The following MCUB variants were observed in gnomAD, a reference collection of about 807,000 sequenced individuals.
The protein encoded by MCUB is mitochondrial calcium uniporter dominant negative subunit beta.
In MCUB, 46 loss-of-function variants were observed where a neutral mutation model predicts 41.4. The observed-to-expected ratio is 1.11, with a 90% CI of 0.88 to 1.42. The LOEUF (loss-of-function observed/expected upper bound fraction) is 1.42, where lower values mean the gene tolerates loss of function less well. Ranked by LOEUF, MCUB falls within the 40% of genes most tolerant of loss-of-function variation. MCUB has a pLI of 0.00. For missense variants in MCUB, 403 were observed against 404.9 expected, an observed-to-expected ratio of 1.00 and a Z score of 0.04; for synonymous variants, 148 against 148.2, an observed-to-expected ratio of 1.00 and a Z score of 0.01.
rs553396703 is a variant in MCUB, at chr4:109,622,576, A to G, written c.100-36435A>G. The stretch of plus-strand genomic sequence containing the variant: ...TTTAGAAATGTCAGTTTGATTTAAA[A>G]GTGAGGATCCTCTGAGGCACTTTAA... On this transcript the variant is annotated intron_variant, in intron 1 of 7. Coordinates refer to ENST00000394650, the MANE Select transcript of MCUB (RefSeq NM_017918.5). Among the ~76,000 whole-genome samples, 7 of 152,344 alleles carry G rather than the reference A, an allele frequency of 4.6e-5. No homozygotes were observed. In the South Asian group the frequency reaches 1.4e-3, roughly 32 times the overall value.
intron 1 of MCUB, among the ~76,000 whole-genome samples, chr4:109,586,210 A>G (rs566073722): frequency 2.6e-5 from 4 of 152,196 alleles, no homozygotes; most frequent in African/African-American, 7.2e-5. Flanking sequence ...TTGATCTTCA[A>G]TCACTGATAC....
intron 4 of MCUB, among the ~76,000 whole-genome samples, chr4:109,680,822 T>C (rs1019241201): frequency 6.6e-6 from 1 of 152,146 alleles, no homozygotes; most frequent in Non-Finnish European, 1.5e-5. Context: ...GGTGGGAAGG[T>C]CCATCTTCCC....
chr4:109,641,400 G>A (rs1272902906), intron 1 of MCUB, among the ~76,000 whole-genome samples: 10 of 151,838 alleles, frequency 6.6e-5, no homozygotes, highest in Admixed American at 5.3e-4. Flanking sequence ...CACCGCACCC[G>A]GCCTAACACA....
At chr4:109,565,770 G>A (rs1284380288) in intron 1 of MCUB, among the ~76,000 whole-genome samples, 1 of 151,344 alleles carries the variant, frequency 6.6e-6, no homozygotes, top group Non-Finnish European at 1.5e-5. Context: ...GTAACAGAAT[G>A]AAGCATTAGA....
At chr4:109,674,347 C>T (rs1729526016) in intron 4 of MCUB, among the ~76,000 whole-genome samples, 2 of 152,204 alleles carry the variant, frequency 1.3e-5, no homozygotes, top group African/African-American at 4.8e-5. Context: ...TTAACTTAAA[C>T]ATGTCACCTA....
chr4:109,626,258 A>C (rs1728357096), intron 1 of MCUB, among the ~76,000 whole-genome samples: 1 of 151,994 alleles, frequency 6.6e-6, no homozygotes, highest in Admixed American at 6.5e-5. Flanking sequence ...TTTTTCTGGC[A>C]GAGAAAATTT....
chr4:109,627,571 G>T (rs868355949), intron 1 of MCUB, among the ~76,000 whole-genome samples: 1 of 152,162 alleles, frequency 6.6e-6, no homozygotes, highest in Non-Finnish European at 1.5e-5. Flanking sequence ...CATGTGTCAG[G>T]CGTGGCCCTT....
In MCUB at chr4:109,564,214, C is replaced by G. The variant is rs149525675; in HGVS notation, c.99+3778C>G. Among the ~76,000 whole-genome samples, 7 of 151,820 alleles carry G rather than the reference C, an allele frequency of 4.6e-5. No homozygotes were observed. In the East Asian group the frequency reaches 1.4e-3, roughly 30 times the overall value. On this transcript the variant is annotated intron_variant, in intron 1 of 7. Coordinates refer to ENST00000394650, the MANE Select transcript of MCUB (RefSeq NM_017918.5). Reference sequence around the variant, plus strand: ...GTGGCGCAATCTCAGTTCACTGCAACCTCCGCCTCCCGGGTTCAAACGATT... The same window carrying G: ...GTGGCGCAATCTCAGTTCACTGCAAGCTCCGCCTCCCGGGTTCAAACGATT...
rs1244114172 is a variant in MCUB, at chr4:109,664,295, A to G, written c.352A>G (p.Asn118Asp). Residue 118 changes from asparagine to aspartate, a missense_variant, in exon 4 of 8, where the codon AAC becomes GAC. Asn to Asp is a conservative substitution (Grantham distance 23, BLOSUM62 1). Coordinates refer to ENST00000394650, the MANE Select transcript of MCUB (RefSeq NM_017918.5). ...KTAAIFTADG[N>D]MISASTLMDI... ...GCATGATGTTTTTCTTTCAGATGGC[A>G]ACATGATTTCAGCTTCTACCTTGAT... 3 of 1,521,170 alleles carry G rather than the reference A, an allele frequency of 2.0e-6. No homozygotes were observed. The highest frequency in any genetic ancestry group is 2.7e-6 in the Non-Finnish European group (3 of 1,096,102). 94.2% of individuals were successfully genotyped at this position (1,521,170 alleles called of 1,614,324 possible). A position where few individuals can be genotyped will look rare whatever the true frequency, so the allele number is the denominator to read the frequency against.
intron 1 of MCUB, among the ~76,000 whole-genome samples, chr4:109,596,725 C>CTT (rs34686512): frequency 1.9e-4 from 20 of 106,324 alleles, no homozygotes; most frequent in South Asian, 6.9e-4. Context: ...TCTTAAACTT[C>CTT]TTTTTTTTTT....
At chr4:109,665,720 A>G (rs974688983) in intron 4 of MCUB, among the ~76,000 whole-genome samples, 2 of 152,074 alleles carry the variant, frequency 1.3e-5, no homozygotes, top group African/African-American at 2.4e-5. Context: ...AATATTTTCA[A>G]TCCATGGTTG....
chr4:109,599,724 A>G (rs1377237441), intron 1 of MCUB, among the ~76,000 whole-genome samples: 1 of 151,908 alleles, frequency 6.6e-6, no homozygotes, highest in African/African-American at 2.4e-5. Flanking sequence ...AGGCTGGAAC[A>G]GTGGCACAAT....
chr4:109,621,020 T>G (rs1006300367), intron 1 of MCUB, among the ~76,000 whole-genome samples: 1 of 152,030 alleles, frequency 6.6e-6, no homozygotes, highest in Non-Finnish European at 1.5e-5. Flanking sequence ...TGCTTCAGCC[T>G]CCTGAGTAGC....
intron 1 of MCUB, among the ~76,000 whole-genome samples, chr4:109,576,271 C>T (rs1222115285): frequency 6.6e-6 from 1 of 152,168 alleles, no homozygotes; most frequent in Non-Finnish European, 1.5e-5. Flanking sequence ...AGAGACATTC[C>T]TAAGTCCTCA....
chr4:109,670,340 C>T (rs1439183284), intron 4 of MCUB, among the ~76,000 whole-genome samples: 1 of 149,248 alleles, frequency 6.7e-6, no homozygotes, highest in Admixed American at 6.6e-5. Flanking sequence ...TTTTCTTTTC[C>T]CCTAGGTTAA....
At chr4:109,615,364 A>G (rs918800999) in intron 1 of MCUB, among the ~76,000 whole-genome samples, 1 of 151,890 alleles carries the variant, frequency 6.6e-6, no homozygotes, top group Non-Finnish European at 1.5e-5. Context: ...AGATACTGGC[A>G]TTGTATAAAA....
intron 1 of MCUB, among the ~76,000 whole-genome samples, chr4:109,582,520 T>C (rs930221015): frequency 9.1e-5 from 13 of 143,394 alleles, no homozygotes; most frequent in Non-Finnish European, 1.7e-4. Flanking sequence ...AAACTTAAAG[T>C]ATAATAATAA....
intron 1 of MCUB, among the ~76,000 whole-genome samples, chr4:109,647,546 T>C (rs1327486571): frequency 6.6e-6 from 1 of 152,210 alleles, no homozygotes; most frequent in East Asian, 1.9e-4. Flanking sequence ...TAATATTCCA[T>C]TATTTAGACG....
At chr4:109,644,431 C>T (rs1227669879) in intron 1 of MCUB, among the ~76,000 whole-genome samples, 1 of 152,172 alleles carries the variant, frequency 6.6e-6, no homozygotes, top group Admixed American at 6.5e-5. Context: ...CTAACATTTT[C>T]TAAACATTTA....
Sources: gnomAD v4.1 joint callset for allele counts (sites outside exome capture counted in the v4.1 genomes callset) on GRCh38, gnomAD v4.1.1 for gene constraint, MANE v1.5 for transcripts, NCBI Gene and HGNC (gene_info 2026-07-23, HGNC 2026-07-21) for gene names.